POU2F3: variants seen among roughly 807,000 people sequenced by gnomAD.
The protein encoded by POU2F3 is POU class 2 homeobox 3, also known as POU domain, class 2, transcription factor 3.
A neutral mutation model predicts 59.2 loss-of-function variants in POU2F3; 23 were observed. The ratio of observed to expected loss-of-function variants is 0.39; its 90% CI spans 0.28 to 0.55. POU2F3 has a LOEUF of 0.55. Ranked by LOEUF, POU2F3 falls within the 20% of genes least tolerant of loss-of-function variation. The pLI is 0.66. For missense variants in POU2F3, 473 were observed against 544.5 expected (o/e 0.87, Z 1.31); for synonymous variants, 190 against 214.6 (o/e 0.89, Z 1.00).
intron 1 of POU2F3, among the ~76,000 whole-genome samples, chr11:120,242,422 G>T (rs1032907543): frequency 3.3e-5 from 5 of 152,108 alleles, no homozygotes; most frequent in African/African-American, 1.2e-4. Context: ...CCTCTCTAGG[G>T]TCCCTTAGTC....
At chr11:120,242,904 C>T (rs1333149610) in intron 1 of POU2F3, among the ~76,000 whole-genome samples, 1 of 152,150 alleles carries the variant, frequency 6.6e-6, no homozygotes, top group Non-Finnish European at 1.5e-5. Flanking sequence ...CCGAGACAGC[C>T]AGCTAGGGAG....
At position 120,286,830 on chromosome 11, in the gene POU2F3, T is replaced by G. The variant is rs148553576; in HGVS notation, c.133-11435T>G. 3.4e-3 allele frequency among the ~76,000 whole-genome samples: 525 copies of G among 152,288 alleles called. 4 individuals carry two copies. The highest frequency in any genetic ancestry group is 5.2e-3 in the Non-Finnish European group (355 of 68,018). ...CTGCTATATGTTTGAGCTTTTTTTT[T>G]TGTGAATCTTGATGTCCGCGCAGAG... On this transcript the variant is annotated intron_variant, in intron 3 of 12. Coordinates refer to ENST00000543440, the MANE Select transcript of POU2F3 (RefSeq NM_014352.4).
In POU2F3 at chr11:120,317,239, C is replaced by T. The variant is rs1225940501; in HGVS notation, c.1146C>T (p.Ser382=). The T allele has an allele frequency of 1.9e-6, 3 of 1,614,132 alleles. No homozygotes were observed. Residue 382 remains serine, a synonymous_variant, in exon 12 of 13, where the codon TCC becomes TCT. Coordinates refer to ENST00000543440, the MANE Select transcript of POU2F3 (RefSeq NM_014352.4). The stretch of plus-strand genomic sequence containing the variant: ...TCTCCTTATCCTCAGTAACGTCATC[C>T]TGTTCCCCTGGGAACAACAGCAGGC... ...HSTMPGTVTS[S]CSPGNNSRPS...
rs1322218250 is a variant in POU2F3, at chr11:120,305,844, T to G, written c.769+59T>G. On this transcript the variant is annotated intron_variant, in intron 8 of 12. Coordinates refer to ENST00000543440, the MANE Select transcript of POU2F3 (RefSeq NM_014352.4). ...AGAGGGCTCTGCAGGGAAGGGCCAG[T>G]GACTTGTCGTGTTGGGGCTTTTGGG... The G allele has an allele frequency of 8.2e-6, 13 of 1,589,408 alleles. No homozygotes were observed. In the East Asian group the frequency reaches 2.2e-4, roughly 27 times the overall value.
upstream of POU2F3, among the ~76,000 whole-genome samples, chr11:120,238,494 G>A (rs141355401): frequency 1.5e-3 from 235 of 152,156 alleles, no homozygotes; most frequent in African/African-American, 5.5e-3. Flanking sequence ...ACCAACCAGG[G>A]GGTAAGCTAA....
intron 3 of POU2F3, among the ~76,000 whole-genome samples, chr11:120,271,707 G>T (rs1940082697): frequency 6.6e-6 from 1 of 152,212 alleles, no homozygotes; most frequent in Non-Finnish European, 1.5e-5. Flanking sequence ...GACCCTGGGA[G>T]GCCCCTGACC....
At chr11:120,263,237 AC>A (rs1242773542) in intron 2 of POU2F3, among the ~76,000 whole-genome samples, 1 of 152,046 alleles carries the variant, frequency 6.6e-6, no homozygotes, top group Admixed American at 6.5e-5. Flanking sequence ...TGATCTGCCC[AC>A]CCTGGCATCC....
At chr11:120,314,583 C>T (rs1212273241) in intron 10 of POU2F3, among the ~76,000 whole-genome samples, 1 of 152,142 alleles carries the variant, frequency 6.6e-6, no homozygotes, top group Non-Finnish European at 1.5e-5. Context: ...AAAACCAAAT[C>T]TCAGTAGGGT....
upstream of POU2F3, among the ~76,000 whole-genome samples, chr11:120,238,020 C>T (rs1404507374): frequency 6.6e-6 from 1 of 152,152 alleles, no homozygotes; most frequent in Non-Finnish European, 1.5e-5. Context: ...GCAGGCAGAT[C>T]ACCTGAGGTC....
Position 120,293,355 on chromosome 11 carries a change from G to A in POU2F3, c.133-4910G>A, listed in dbSNP as rs574037923. On this transcript the variant is annotated intron_variant, in intron 3 of 12. Transcript: ENST00000543440. ...GCAAAAATGCAGCCGGTATCTCTTG[G>A]GGTACTTTCAGCCCTGTTCACTTGA... Among the ~76,000 whole-genome samples the A allele has an allele frequency of 2.0e-4, 31 of 152,302 alleles. 3 individuals are homozygous for A. The South Asian group carries it at 6.2e-3, about 31-fold the overall frequency.
intron 3 of POU2F3, among the ~76,000 whole-genome samples, chr11:120,278,464 CAG>C (rs1940426061): frequency 6.6e-6 from 1 of 152,172 alleles, no homozygotes; most frequent in Non-Finnish European, 1.5e-5. Context: ...TACCAGGAGA[CAG>C]AGCCAGATGT....
chr11:120,250,563 A>G (rs923098525), intron 2 of POU2F3, among the ~76,000 whole-genome samples: 1 of 152,232 alleles, frequency 6.6e-6, no homozygotes, highest in Admixed American at 6.5e-5. Context: ...ACTTTTCCCA[A>G]GCTCCCATAC....
At chr11:120,245,169 C>T (rs1056493820) in intron 1 of POU2F3, among the ~76,000 whole-genome samples, 1 of 152,104 alleles carries the variant, frequency 6.6e-6, no homozygotes, top group Non-Finnish European at 1.5e-5. Flanking sequence ...TCTCTGGATC[C>T]CCCATCTATG....
intron 3 of POU2F3, among the ~76,000 whole-genome samples, chr11:120,276,129 A>T (rs1163368575): frequency 1.3e-5 from 2 of 152,180 alleles, no homozygotes; most frequent in African/African-American, 4.8e-5. Context: ...ATGGCAGAGT[A>T]AGTGCCCCCC....
chr11:120,289,266 G>A (rs889243429), intron 3 of POU2F3, among the ~76,000 whole-genome samples: 36 of 152,062 alleles, frequency 2.4e-4, no homozygotes, highest in Admixed American at 2.0e-3. Flanking sequence ...AACCTTTAGG[G>A]GTGGAAATAC....
chr11:120,317,548 A>C (rs1941821056), intron 12 of POU2F3, among the ~76,000 whole-genome samples, 184 bp downstream of exon 12: 1 of 152,248 alleles, frequency 6.6e-6, no homozygotes, highest in South Asian at 2.1e-4. Flanking sequence ...AGATTTTAAA[A>C]AGAAGCTTCA....
At chr11:120,276,450 G>A (rs1404875575) in intron 3 of POU2F3, among the ~76,000 whole-genome samples, 4 of 152,036 alleles carry the variant, frequency 2.6e-5, no homozygotes, top group African/African-American at 9.7e-5. Context: ...GACCTCTTTG[G>A]GAGGATGAGA....
chr11:120,269,877 C>T (rs1939987755), intron 3 of POU2F3, among the ~76,000 whole-genome samples: 1 of 151,930 alleles, frequency 6.6e-6, no homozygotes, highest in African/African-American at 2.4e-5. Context: ...AAGGGGGAAG[C>T]CGAGGGAGAG....
intron 3 of POU2F3, among the ~76,000 whole-genome samples, chr11:120,275,875 T>C (rs994771239): frequency 6.6e-6 from 1 of 152,214 alleles, no homozygotes; most frequent in Non-Finnish European, 1.5e-5. Context: ...CCAACTGGGA[T>C]TTTCCATCAT....
Sources: allele counts gnomAD v4.1 joint callset (sites outside exome capture counted in the v4.1 genomes callset), GRCh38; gene constraint gnomAD v4.1.1; transcripts MANE v1.5; gene names NCBI Gene and HGNC (gene_info 2026-07-23, HGNC 2026-07-21).